Variants in SLC60A1 observed in about 807,000 individuals in gnomAD.
SLC60A1 encodes solute carrier family 60 member 1, also known as major facilitator superfamily domain containing 4.
the SLC60A1 span, among the ~76,000 whole-genome samples, chr1:205,596,305 A>G: frequency 2.0e-5 from 3 of 152,230 alleles, no homozygotes; most frequent in Admixed American, 6.5e-5. Flanking sequence ...GTGCAGAGTG[A>G]TATCACAGCA....
the SLC60A1 span, among the ~76,000 whole-genome samples, chr1:205,578,755 T>TC: frequency 6.6e-6 from 1 of 151,994 alleles, no homozygotes; most frequent in Non-Finnish European, 1.5e-5. Context: ...CTCCCACCTT[T>TC]CCAGGTCCAG....
At chr1:205,583,202 G>A in the SLC60A1 span, among the ~76,000 whole-genome samples, 1 of 152,210 alleles carries the variant, frequency 6.6e-6, no homozygotes, top group Non-Finnish European at 1.5e-5. Context: ...AACCTCAGAA[G>A]CAGGAGCCAT....
At chr1:205,581,281 G>T in the SLC60A1 span, among the ~76,000 whole-genome samples, 26 of 152,356 alleles carry the variant, frequency 1.7e-4, no homozygotes, top group East Asian at 5.0e-3. The surrounding 1 kb of genome is among the most constrained non-coding windows in gnomAD (Gnocchi z 4.2). Flanking sequence ...GTTTTTCTCT[G>T]GGTCCCTTCA....
At chr1:205,573,096 T>TAAAAA in the SLC60A1 span, among the ~76,000 whole-genome samples, 1 of 144,228 alleles carries the variant, frequency 6.9e-6, no homozygotes, top group Non-Finnish European at 1.5e-5. Flanking sequence ...GACTCCAGTG[T>TAAAAA]CAAAACCAAA....
chr1:205,571,092 T>A, the SLC60A1 span, among the ~76,000 whole-genome samples: 1 of 152,234 alleles, frequency 6.6e-6, no homozygotes, highest in Non-Finnish European at 1.5e-5. Flanking sequence ...GTAACAATGA[T>A]AACTAACTTT....
At chr1:205,584,562 AAAAAG>A in the SLC60A1 span, among the ~76,000 whole-genome samples, 2 of 133,620 alleles carry the variant, frequency 1.5e-5, no homozygotes, top group African/African-American at 5.9e-5. Flanking sequence ...AAAAAAAAAA[AAAAAG>A]AAAATCTTGG....
At chr1:205,592,532 C>T in the SLC60A1 span, among the ~76,000 whole-genome samples, 15 of 152,026 alleles carry the variant, frequency 9.9e-5, no homozygotes, top group African/African-American at 3.6e-4. Flanking sequence ...ATCCCTCCCC[C>T]CTCTCCCCAC....
At chr1:205,596,622 C>CA in the SLC60A1 span, among the ~76,000 whole-genome samples, 2 of 134,362 alleles carry the variant, frequency 1.5e-5, no homozygotes, top group African/African-American at 5.5e-5. Flanking sequence ...GATGAATGTT[C>CA]AGTGGGGAGT....
At chr1:205,579,741 C>T in the SLC60A1 span, 1 of 1,614,026 alleles carries the variant, frequency 6.2e-7, no homozygotes, top group Non-Finnish European at 8.5e-7. Flanking sequence ...ATCACCCTTC[C>T]CTCCTGCAGC....
At chr1:205,579,633 T>G in the SLC60A1 span, 2 of 1,175,670 alleles carry the variant, frequency 1.7e-6, no homozygotes, top group South Asian at 2.6e-5. Context: ...TCAGCTCTCT[T>G]CCTTTTCTAC....
the SLC60A1 span, chr1:205,592,166 G>A: frequency 1.2e-6 from 2 of 1,614,010 alleles, no homozygotes; most frequent in Non-Finnish European, 1.7e-6. Context: ...CGTTCCTGGT[G>A]CTGCTTATTT....
At chr1:205,573,689 A>C in the SLC60A1 span, among the ~76,000 whole-genome samples, 2 of 152,058 alleles carry the variant, frequency 1.3e-5, no homozygotes, top group African/African-American at 4.8e-5. Flanking sequence ...AATGAATATA[A>C]GATTTCTTTT....
the SLC60A1 span, chr1:205,586,315 T>C: frequency 7.4e-7 from 1 of 1,355,546 alleles, no homozygotes; most frequent in East Asian, 2.3e-5. Flanking sequence ...GCCAGCAGGA[T>C]GGGAACTCAG....
the SLC60A1 span, among the ~76,000 whole-genome samples, chr1:205,585,656 T>G: frequency 6.6e-6 from 1 of 150,978 alleles, no homozygotes; most frequent in South Asian, 2.1e-4. This position sits in a 1 kb window ranked among gnomAD's most constrained non-coding sequence, Gnocchi z 4.2. Flanking sequence ...GTCTGCTTTC[T>G]CATCTGTAAA....
At chr1:205,596,816 T>G in the SLC60A1 span, among the ~76,000 whole-genome samples, 1 of 152,280 alleles carries the variant, frequency 6.6e-6, no homozygotes, top group African/African-American at 2.4e-5. Context: ...GAGTTTACTG[T>G]GTGCCAGTCC....
chr1:205,588,192 C>T, the SLC60A1 span, among the ~76,000 whole-genome samples: 1 of 152,074 alleles, frequency 6.6e-6, no homozygotes, highest in Non-Finnish European at 1.5e-5. Context: ...CATGAAAAGG[C>T]CAGGCGCGGT....
chr1:205,577,914 A>G, the SLC60A1 span, among the ~76,000 whole-genome samples: 1 of 152,218 alleles, frequency 6.6e-6, no homozygotes, highest in South Asian at 2.1e-4. The surrounding 1 kb of genome is among the most constrained non-coding windows in gnomAD (Gnocchi z 5.2). Flanking sequence ...TAGCCTTGTC[A>G]TATGAACCAA....
At chr1:205,569,621 C>T in the SLC60A1 span, among the ~76,000 whole-genome samples, 1 of 152,184 alleles carries the variant, frequency 6.6e-6, no homozygotes, top group Non-Finnish European at 1.5e-5. Flanking sequence ...CCCACCGCCC[C>T]GTGGGGAGAG....
At chr1:205,576,422 T>G in the SLC60A1 span, among the ~76,000 whole-genome samples, 1 of 152,152 alleles carries the variant, frequency 6.6e-6, no homozygotes, top group Non-Finnish European at 1.5e-5. Flanking sequence ...CCCAACCTCA[T>G]GCAGAGCTTG....
Sources: gnomAD v4.1 joint callset for allele counts (sites outside exome capture counted in the v4.1 genomes callset) on GRCh38, gnomAD v4.1.1 for gene constraint, Gnocchi (gnomAD v3.1) non-coding constraint, MANE v1.5 for transcripts, NCBI Gene and HGNC (gene_info 2026-07-23, HGNC 2026-07-21) for gene names.